Variants in RNF19A observed in about 807,000 individuals in gnomAD.
RNF19A encodes E3 ubiquitin-protein ligase RNF19A.
RNF19A carries 32 observed loss-of-function variants against 75.7 expected under a neutral mutation model. That is an observed-to-expected ratio of 0.42 (90% CI 0.32 to 0.57). The LOEUF (loss-of-function observed/expected upper bound fraction) is 0.57, where lower values mean the gene tolerates loss of function less well. RNF19A is among the 20% of genes least tolerant of loss of function. The pLI is 0.10. For missense variants in RNF19A, 782 were observed against 1,036.3 expected (o/e 0.75, Z 3.37); for synonymous variants, 335 against 345.2 (o/e 0.97, Z 0.33).
At chr8:100,295,196 T>C (rs895520186) in intron 1 of RNF19A, among the ~76,000 whole-genome samples, 4 of 152,178 alleles carry the variant, frequency 2.6e-5, no homozygotes, top group African/African-American at 9.7e-5. Flanking sequence ...TAAGCATAAT[T>C]TTAAAGAAAA....
At chr8:100,310,996 TC>T (rs1822280841), upstream of RNF19A, among the ~76,000 whole-genome samples, 1 of 152,248 alleles carries the variant, frequency 6.6e-6, no homozygotes, top group Admixed American at 6.5e-5. Context: ...TTTAGATCAC[TC>T]TAACATAGAA....
In RNF19A at chr8:100,324,059, A is replaced by G. The variant is rs888190184; in HGVS notation, c.-242-10687T>C. ...AATGTATCCCAAGGACATGAGGGAA[A>G]AACTGAACAATTACTACAGAGCTGT... On this transcript the variant is annotated intron_variant, in intron 1 of 3. Coordinates refer to the RNF19A transcript ENST00000519527. This position sits in a 1 kb window ranked among gnomAD's most constrained non-coding sequence, Gnocchi z 4.2. Among the ~76,000 whole-genome samples, 10 of 152,244 alleles carry G rather than the reference A, an allele frequency of 6.6e-5. No individual in the cohort carries two copies. The highest frequency in any genetic ancestry group is 2.4e-4 in the African/African-American group (10 of 41,466).
At position 100,332,273 on chromosome 8, in the gene RNF19A, T is replaced by C. The variant is rs1822621676; in HGVS notation, c.-243+3835A>G. Among the ~76,000 whole-genome samples, 1 of 152,150 alleles carries C rather than the reference T, an allele frequency of 6.6e-6. No individual in the cohort carries two copies. The highest frequency in any genetic ancestry group is 2.4e-5 in the African/African-American group (1 of 41,430). On this transcript the variant is annotated intron_variant, in intron 1 of 3. Coordinates refer to the RNF19A transcript ENST00000519527. The surrounding 1 kb of genome is among the most constrained non-coding windows in gnomAD (Gnocchi z 4.8). ...AGGGAGGGATGTGGTGGGAAGTGATTGGGTCATGGTGGTAATTTCCCCCAT... is the reference window on the plus strand; with the variant it reads ...AGGGAGGGATGTGGTGGGAAGTGATCGGGTCATGGTGGTAATTTCCCCCAT...
intron 2 of RNF19A, among the ~76,000 whole-genome samples, chr8:100,285,155 T>G (rs1820957225): frequency 6.6e-6 from 1 of 152,202 alleles, no homozygotes; most frequent in Non-Finnish European, 1.5e-5. Flanking sequence ...AGTACTTACC[T>G]AGGAGTTGAA....
chr8:100,279,703 C>A (rs1280429845), intron 2 of RNF19A, among the ~76,000 whole-genome samples: 1 of 152,044 alleles, frequency 6.6e-6, no homozygotes, highest in Non-Finnish European at 1.5e-5. Flanking sequence ...TTTTTTGTAT[C>A]TTTAGTAGAC....
At chr8:100,311,628 G>A (rs1325775103), upstream of RNF19A, among the ~76,000 whole-genome samples, 12 of 150,930 alleles carry the variant, frequency 8.0e-5, no homozygotes, top group Admixed American at 2.0e-4. Context: ...TGAGGCAGGA[G>A]GATGGCGTGA....
intron 1 of RNF19A, among the ~76,000 whole-genome samples, chr8:100,291,521 T>C (rs1026369127): frequency 1.3e-5 from 2 of 152,186 alleles, no homozygotes; most frequent in Non-Finnish European, 2.9e-5. Flanking sequence ...AATTATACAT[T>C]TATAATATCC....
intron 1 of RNF19A, 55 bp from the exon 2 acceptor site, chr8:100,288,322 A>G (rs1176444276): frequency 8.9e-6 from 10 of 1,122,528 alleles, no homozygotes; most frequent in Non-Finnish European, 1.0e-5. Flanking sequence ...CTTAGTTTGT[A>G]TATTTTTATA....
intron 1 of RNF19A, among the ~76,000 whole-genome samples, chr8:100,304,844 A>T (rs2130197334): frequency 6.6e-6 from 1 of 152,322 alleles, no homozygotes; most frequent in Middle Eastern, 3.4e-3. Context: ...TAATTAGAGG[A>T]TCTCTTTTAT....
intron 5 of RNF19A, 64 bp downstream of exon 5, chr8:100,268,721 A>G (rs1820112226): frequency 8.9e-7 from 1 of 1,129,170 alleles, no homozygotes; most frequent in South Asian, 2.5e-5. Context: ...AATCATCAAT[A>G]CTAAAAGAAT....
rs534998664 is a variant in RNF19A at position 100,261,837 on chromosome 8, G to A, written c.1469-82C>T. ...TTAAATTCCTCCATGATTTCAGAGA[G>A]GACATTATATAAGGTATAAAATATA... On this transcript the variant is annotated intron_variant, in intron 7 of 9. Transcript: ENST00000341084. The surrounding 1 kb of genome is among the most constrained non-coding windows in gnomAD (Gnocchi z 4.4). 2.3e-5 allele frequency: 31 copies of A among 1,366,270 alleles called. No homozygotes were observed. The South Asian group carries it at 3.2e-4, about 14-fold the overall frequency. The allele number at this position is 1,366,270 out of a possible 1,614,324, so 84.6% of individuals were successfully genotyped here.
chr8:100,319,153 G>C (rs1822427529), intron 1 of RNF19A, among the ~76,000 whole-genome samples: 1 of 152,186 alleles, frequency 6.6e-6, no homozygotes, highest in Non-Finnish European at 1.5e-5. Context: ...ACATTCTATG[G>C]ATGGTTTACT....
Position 100,261,980 on chromosome 8 carries a change from T to C in RNF19A, c.1469-225A>G, listed in dbSNP as rs1226796055. ...CAAAAACCCAGATTTAGGAATTCTA[T>C]AAAGAATATGATTGTTAAAAAATAT... On this transcript the variant is annotated intron_variant, in intron 7 of 9. Coordinates refer to ENST00000341084, the MANE Select transcript of RNF19A (RefSeq NM_183419.4). This position sits in a 1 kb window ranked among gnomAD's most constrained non-coding sequence, Gnocchi z 4.4. Among the ~76,000 whole-genome samples the C allele has an allele frequency of 2.6e-5, 4 of 152,192 alleles. No individual in the cohort carries two copies. Among genetic ancestry groups the C allele is most frequent in the African/African-American group, 9.6e-5 (4 of 41,458 alleles).
At chr8:100,310,117 C>T (rs945718382), upstream of RNF19A, 19 of 985,454 alleles carry the variant, frequency 1.9e-5, no homozygotes, top group Non-Finnish European at 2.2e-5. Flanking sequence ...CCTCCCGCAG[C>T]CCCCGCTTTC....
In RNF19A at chr8:100,288,195, A is replaced by G; in HGVS notation, c.-21T>C. The G allele has an allele frequency of 6.4e-7, 1 of 1,568,530 alleles. No individual in the cohort carries two copies. Among genetic ancestry groups the G allele is most frequent in the African/African-American group, 1.4e-5 (1 of 73,696 alleles). On this transcript the variant is annotated 5_prime_UTR_variant, in exon 2 of 10. Transcript: ENST00000341084. ...TGCATTCACATTAAGTCATGATGTA[A>G]GAATATCCTACTTGGTTCCTTCAGA... is the stretch of plus-strand genomic sequence containing the variant.
In RNF19A at chr8:100,258,817, G is replaced by C. The variant is rs764352892; in HGVS notation, c.2256C>G (p.Thr752=). The part of the protein sequence containing the change: ...SCSHGSSDYH[T]RFATVNILPE... ...GAAGAATGTTAACAGTAGCAAAGCG[G>C]GTGTGATAATCACTGGAACCATGAC... is the stretch of plus-strand genomic sequence containing the variant. The change falls in exon 10 of 10, where the codon ACC becomes ACG. Residue 752 remains threonine, a synonymous_variant. Transcript: ENST00000341084. This position sits in a 1 kb window ranked among gnomAD's most constrained non-coding sequence, Gnocchi z 4.3. The C allele has an allele frequency of 5.6e-6, 9 of 1,614,132 alleles. No individual in the cohort carries two copies. Among genetic ancestry groups the C allele is most frequent in the Middle Eastern group, 3.3e-4 (2 of 6,062 alleles).
chr8:100,286,883 C>T (rs950625760), intron 2 of RNF19A, among the ~76,000 whole-genome samples: 1 of 152,160 alleles, frequency 6.6e-6, no homozygotes, highest in African/African-American at 2.4e-5. Flanking sequence ...TGCTCACCAA[C>T]ATAATAATCA....
intron 2 of RNF19A, among the ~76,000 whole-genome samples, chr8:100,286,465 T>C (rs77096301): frequency 0.044 from 6,765 of 152,270 alleles, 453 homozygotes; most frequent in African/African-American, 0.14. Context: ...GTATATTACA[T>C]AGAAATCCTT....
In RNF19A at chr8:100,261,125, C is replaced by G. The variant is rs1343814115; in HGVS notation, c.1682+417G>C. On this transcript the variant is annotated intron_variant, in intron 8 of 9. Coordinates refer to ENST00000341084, the MANE Select transcript of RNF19A (RefSeq NM_183419.4). This position sits in a 1 kb window ranked among gnomAD's most constrained non-coding sequence, Gnocchi z 4.4. ...TTTCTTTTTTTTTTTGAGACAGGGT[C>G]TCACTGTCACTCAGGTTGGAGCTCA... is the stretch of plus-strand genomic sequence containing the variant. 6.6e-6 allele frequency among the ~76,000 whole-genome samples: 1 copy of G among 151,862 alleles called. No individual in the cohort carries two copies. Among genetic ancestry groups the G allele is most frequent in the Non-Finnish European group, 1.5e-5 (1 of 67,982 alleles).
Sources: gnomAD v4.1 joint callset for allele counts (sites outside exome capture counted in the v4.1 genomes callset) on GRCh38, gnomAD v4.1.1 for gene constraint, Gnocchi (gnomAD v3.1) non-coding constraint, MANE v1.5 for transcripts, NCBI Gene and HGNC (gene_info 2026-07-23, HGNC 2026-07-21) for gene names.